MINDY3: variants seen among roughly 807,000 people sequenced by gnomAD.
MINDY3 encodes MINDY lysine 48 deubiquitinase 3.
MINDY3 carries 38 observed loss-of-function variants against 69.2 expected under a neutral mutation model. The ratio of observed to expected loss-of-function variants is 0.55; its 90% CI spans 0.42 to 0.72. MINDY3 has a LOEUF of 0.72. MINDY3 is among the 30% of genes least tolerant of loss of function. The pLI is 0.00. For missense variants in MINDY3, 522 were observed against 519.0 expected, an observed-to-expected ratio of 1.01 and a Z score of -0.06; for synonymous variants, 192 against 180.1, an observed-to-expected ratio of 1.07 and a Z score of -0.53.
chr10:15,818,964 A>G (rs181941533), intron 9 of MINDY3, among the ~76,000 whole-genome samples: 12 of 152,048 alleles, frequency 7.9e-5, no homozygotes, highest in Admixed American at 5.2e-4. Context: ...TATGCTTTAA[A>G]ATGGTGAATC....
intron 10 of MINDY3, among the ~76,000 whole-genome samples, chr10:15,806,094 T>C (rs1213502548): frequency 2.6e-5 from 4 of 152,156 alleles, no homozygotes; most frequent in African/African-American, 9.6e-5. Context: ...TGAGTACCAC[T>C]GTGTACAGGA....
chr10:15,806,710 C>G (rs754673800), intron 10 of MINDY3, among the ~76,000 whole-genome samples: 7 of 152,132 alleles, frequency 4.6e-5, no homozygotes, highest in Non-Finnish European at 8.8e-5. Context: ...TACAGCTGAT[C>G]GTCAACCTTT....
At chr10:15,799,586 T>C (rs1838106118) in intron 10 of MINDY3, among the ~76,000 whole-genome samples, 1 of 152,058 alleles carries the variant, frequency 6.6e-6, no homozygotes, top group South Asian at 2.1e-4. Flanking sequence ...AAGAATATAT[T>C]TTGGCTATTA....
chr10:15,837,619 G>T lies in MINDY3; in HGVS notation c.462-301C>A, dbSNP rs1833179140. The stretch of plus-strand genomic sequence containing the variant: ...CTTCAATAATATACAGTTATTTAAA[G>T]AATAGAGTGGCCTTCTTGTAAGAGG... On this transcript the variant is annotated intron_variant, in intron 5 of 14. Transcript: ENST00000277632. 3 of 1,281,798 alleles carry T rather than the reference G, an allele frequency of 2.3e-6. No homozygotes were observed. The African/African-American group carries it at 4.6e-5, about 20-fold the overall frequency. The allele number at this position is 1,281,798 out of a possible 1,614,324, so 79.4% of individuals were successfully genotyped here. A position where few individuals can be genotyped will look rare whatever the true frequency, so the allele number is the denominator to read the frequency against.
chr10:15,810,138 G>A (rs1838899053), intron 10 of MINDY3, among the ~76,000 whole-genome samples: 1 of 152,004 alleles, frequency 6.6e-6, no homozygotes, highest in African/African-American at 2.4e-5. Context: ...GGTAAATTCT[G>A]GGTCACTGGA....
intron 4 of MINDY3, among the ~76,000 whole-genome samples, chr10:15,839,248 T>A (rs1253053601): frequency 6.6e-6 from 1 of 151,628 alleles, no homozygotes; most frequent in African/African-American, 2.4e-5. Flanking sequence ...GTTGTGAGTG[T>A]TTCATATTTC....
rs74402455 is a variant in MINDY3, at chr10:15,807,308, G to A, written c.882+9527C>T. ...ATCAGTTAGTGCCACAAGAAGGAAG[G>A]AAGTTGGAAGAAAGAACAGGAGCAA... On this transcript the variant is annotated intron_variant, in intron 10 of 14. Coordinates refer to ENST00000277632, the MANE Select transcript of MINDY3 (RefSeq NM_024948.4). Among the ~76,000 whole-genome samples the A allele has an allele frequency of 5.9e-3, 906 of 152,300 alleles. 12 individuals carry two copies. Among genetic ancestry groups the A allele is most frequent in the African/African-American group, 0.021 (872 of 41,570 alleles).
chr10:15,792,819 G>C (rs1441624293), intron 11 of MINDY3, among the ~76,000 whole-genome samples: 1 of 152,092 alleles, frequency 6.6e-6, no homozygotes, highest in Non-Finnish European at 1.5e-5. Flanking sequence ...GTGAAAACCT[G>C]TGATTAGCAG....
Position 15,778,733 on chromosome 10 carries a change from G to T in MINDY3, c.*259C>A. ...TTGGTAAGTAAATGACCAAGTATCT[G>T]AATGCAAAAGTGATGAACTTTGATG... On this transcript the variant is annotated 3_prime_UTR_variant, in exon 15 of 15. Transcript: ENST00000277632. 3.2e-6 allele frequency: 1 copy of T among 316,436 alleles called. No homozygotes were observed. The highest frequency in any genetic ancestry group is 5.8e-6 in the Non-Finnish European group (1 of 172,470). The allele number at this position is 316,436 out of a possible 1,614,324, so 19.6% of individuals were successfully genotyped here.
At chr10:15,803,175 T>C (rs1034730415) in intron 10 of MINDY3, among the ~76,000 whole-genome samples, 1 of 152,176 alleles carries the variant, frequency 6.6e-6, no homozygotes, top group African/African-American at 2.4e-5. Context: ...ATCAGAAAGT[T>C]ATGAAACCAC....
rs780520362 is a variant in MINDY3 at position 15,816,913 on chromosome 10, A to G, written c.804T>C (p.Val268=). The G allele has an allele frequency of 3.1e-6, 5 of 1,608,502 alleles. No individual in the cohort carries two copies. The Admixed American group carries it at 5.0e-5, about 16-fold the overall frequency. ...ATTTTGGAGATTTCAAGTAAGAACCAACCTAGAACAAATGTAGCAAAATAA... is the reference window on the plus strand; with the variant it reads ...ATTTTGGAGATTTCAAGTAAGAACCGACCTAGAACAAATGTAGCAAAATAA... ...TLMEALRYCK[V]GSYLKSPKFP... is the part of the protein sequence containing the mutation. The change falls in exon 10 of 15, where the codon GTT becomes GTC. Residue 268 remains valine (V), a splice_region_variant and synonymous_variant. Transcript: ENST00000277632.
chr10:15,816,518 AC>A (rs1421452442), intron 10 of MINDY3, among the ~76,000 whole-genome samples: 6 of 152,076 alleles, frequency 3.9e-5, no homozygotes, highest in African/African-American at 2.4e-5. Context: ...TATCCTACTT[AC>A]AAAAAAAGCA....
At chr10:15,789,224 A>C (rs908998001) in intron 12 of MINDY3, 23 bp downstream of exon 12, 1 of 1,588,372 alleles carries the variant, frequency 6.3e-7, no homozygotes, top group East Asian at 2.2e-5. Context: ...AGTTGGCTAA[A>C]TAACACTTCC....
chr10:15,829,343 A>G (rs116299588), intron 8 of MINDY3, among the ~76,000 whole-genome samples: 2,627 of 152,248 alleles, frequency 0.017, 61 homozygotes, highest in African/African-American at 0.057. Context: ...TGACTACACA[A>G]TATCACTTGC....
chr10:15,811,715 A>G (rs1214337301), intron 10 of MINDY3, among the ~76,000 whole-genome samples: 5 of 152,016 alleles, frequency 3.3e-5, no homozygotes, highest in Non-Finnish European at 7.4e-5. Context: ...CAAAGCCACT[A>G]ATTTGCTTCA....
In MINDY3 at chr10:15,860,403, G is replaced by T; in HGVS notation, c.-104C>A. On this transcript the variant is annotated 5_prime_UTR_variant, in exon 1 of 15. Coordinates refer to ENST00000277632, the MANE Select transcript of MINDY3 (RefSeq NM_024948.4). ...CAGCTGCGGGACGGCGGCGGCAAACGAATTGGAAGGTGAGGCAGGAAAGAA... is the reference window on the plus strand; with the variant it reads ...CAGCTGCGGGACGGCGGCGGCAAACTAATTGGAAGGTGAGGCAGGAAAGAA... The T allele has an allele frequency of 1.2e-6, 1 of 812,218 alleles. No individual in the cohort carries two copies. Among genetic ancestry groups the T allele is most frequent in the Non-Finnish European group, 2.1e-6 (1 of 480,440 alleles). 50.3% of individuals were successfully genotyped at this position (812,218 alleles called of 1,614,324 possible).
intron 10 of MINDY3, among the ~76,000 whole-genome samples, chr10:15,816,558 C>T (rs750569689): frequency 6.6e-6 from 1 of 150,482 alleles, no homozygotes; most frequent in Non-Finnish European, 1.5e-5. Context: ...CAATTGTTTT[C>T]TCTATAACAC....
Position 15,833,658 on chromosome 10 carries a change from C to A in MINDY3, c.702G>T (p.Trp234Cys). The part of the protein sequence containing the change: ...LLTGHAVSNV[W>C]DGDRECSGMK... ...TTCCTGAGCACTCTCTATCACCATC[C>A]CATACATTAGAAACAGCATGTCCCG... Residue 234 changes from tryptophan to cysteine, a missense_variant, in exon 8 of 15, where the codon TGG (tryptophan) becomes TGT (cysteine). Transcript: ENST00000277632. The A allele has an allele frequency of 6.2e-7, 1 of 1,610,350 alleles. No individual in the cohort carries two copies. The highest frequency in any genetic ancestry group is 8.5e-7 in the Non-Finnish European group (1 of 1,177,012).
intron 10 of MINDY3, among the ~76,000 whole-genome samples, chr10:15,798,926 G>A (rs1241645180): frequency 6.6e-6 from 1 of 151,948 alleles, no homozygotes; most frequent in Non-Finnish European, 1.5e-5. Flanking sequence ...AGAGCATTTG[G>A]AACTTAGGCA....
Sources: allele counts gnomAD v4.1 joint callset (sites outside exome capture counted in the v4.1 genomes callset), GRCh38; gene constraint gnomAD v4.1.1; transcripts MANE v1.5; gene names NCBI Gene and HGNC (gene_info 2026-07-23, HGNC 2026-07-21).